CEP170B: variants seen among roughly 807,000 people sequenced by gnomAD.
The protein encoded by CEP170B is centrosomal protein 170B, also known as centrosomal protein of 170 kDa protein B.
In CEP170B, 55 loss-of-function variants were observed where a neutral mutation model predicts 120.6. The ratio of observed to expected loss-of-function variants is 0.46; its 90% CI spans 0.37 to 0.57. CEP170B has a LOEUF of 0.57. Ranked by LOEUF, CEP170B falls within the 20% of genes least tolerant of loss-of-function variation. CEP170B has a pLI of 0.00. For missense variants in CEP170B, 2,212 were observed against 2,253.3 expected (o/e 0.98, Z 0.37); for synonymous variants, 1,033 against 954.5 (o/e 1.08, Z -1.52).
Position 104,878,636 on chromosome 14 carries a change from A to G in CEP170B, c.333+135A>G. The G allele has an allele frequency of 5.6e-6, 5 of 897,464 alleles. No homozygotes were observed. The South Asian group carries it at 7.9e-5, about 14-fold the overall frequency. The allele number at this position is 897,464 out of a possible 1,614,324, so 55.6% of individuals were successfully genotyped here. On this transcript the variant is annotated intron_variant, in intron 5 of 18. Transcript: ENST00000414716. ...GCGCCCTGTTCAGGCTGCGGGTGCC[A>G]TGAGTCAGGCCAGCCTGTCCTGCCC... is the stretch of plus-strand genomic sequence containing the variant.
intron 2 of CEP170B, among the ~76,000 whole-genome samples, chr14:104,872,186 C>T (rs1246531513): frequency 9.4e-6 from 1 of 105,948 alleles, no homozygotes. Flanking sequence ...CGTGTGTGTG[C>T]TGTGTGTGTG....
Position 104,889,773 on chromosome 14 carries a change from C to T in CEP170B, c.3878+15C>T. The T allele has an allele frequency of 1.3e-6, 2 of 1,593,096 alleles. No individual in the cohort carries two copies. The highest frequency in any genetic ancestry group is 1.7e-6 in the Non-Finnish European group (2 of 1,165,450). On this transcript the variant is annotated intron_variant, in intron 13 of 18. Transcript: ENST00000414716. ...GAGATTGCCAGGTGAGTAGCCCATT[C>T]AGAGTAAATCCACTGGGTGCCAGTG...
chr14:104,884,164 A>G lies in CEP170B; in HGVS notation c.1385A>G (p.Gln462Arg), dbSNP rs1206549939. The part of the protein sequence containing the change: ...VQAGGRSSGP[Q>R]RAGSLKREKT... ...GCAGGGGGCCGCAGCTCGGGGCCAC[A>G]GAGGGCCGGCTCGCTCAAGCGGGAG... is the stretch of plus-strand genomic sequence containing the variant. The change falls in exon 9 of 19, where the codon CAG becomes CGG. Residue 462 changes from glutamine to arginine, a missense_variant. Coordinates refer to ENST00000414716, the MANE Select transcript of CEP170B (RefSeq NM_001112726.3). The G allele has an allele frequency of 6.4e-7, 1 of 1,551,124 alleles. No individual in the cohort carries two copies. The highest frequency in any genetic ancestry group is 1.9e-5 in the Admixed American group (1 of 51,660).
At chr14:104,878,979 G>A (rs1418148921) in intron 5 of CEP170B, among the ~76,000 whole-genome samples, 2 of 152,146 alleles carry the variant, frequency 1.3e-5, no homozygotes, top group African/African-American at 4.8e-5. Context: ...CTGAGGCGGG[G>A]GCCAGCAGCC....
At position 104,886,483 on chromosome 14, in the gene CEP170B, C is replaced by T. The variant is rs1177003076; in HGVS notation, c.2244C>T (p.Ser748=). The T allele has an allele frequency of 1.5e-5, 23 of 1,540,334 alleles. No individual in the cohort carries two copies. The highest frequency in any genetic ancestry group is 1.7e-4 in the Middle Eastern group (1 of 5,802). Residue 748 remains serine (S), a synonymous_variant, in exon 12 of 19, where the codon AGC becomes AGT. Coordinates refer to ENST00000414716, the MANE Select transcript of CEP170B (RefSeq NM_001112726.3). Reference sequence around the variant, plus strand: ...AGGAGTTGGATCCTGACAGCCTCAGCGATGCCAGTGGGTCGGACGGGGGCC... The same window carrying T: ...AGGAGTTGGATCCTGACAGCCTCAGTGATGCCAGTGGGTCGGACGGGGGCC... ...GQEELDPDSL[S]DASGSDGGRG... is the part of the protein sequence containing the mutation.
chr14:104,869,630 G>A (rs1370417633), intron 2 of CEP170B, among the ~76,000 whole-genome samples: 1 of 152,210 alleles, frequency 6.6e-6, no homozygotes, highest in Non-Finnish European at 1.5e-5. Flanking sequence ...AGCTTCAAGA[G>A]ATGGGGCCTT....
In CEP170B at chr14:104,887,104, C is replaced by T. The variant is rs375448270; in HGVS notation, c.2865C>T (p.Asp955=). ...PPEDALSGDS[D]VDTASTVSLR... is the part of the protein sequence containing the mutation. Reference sequence around the variant, plus strand: ...AGGACGCCCTGTCTGGGGACTCGGACGTGGACACAGCCAGCACCGTCAGCC... The same window carrying T: ...AGGACGCCCTGTCTGGGGACTCGGATGTGGACACAGCCAGCACCGTCAGCC... The change falls in exon 12 of 19, where the codon GAC becomes GAT. Residue 955 remains aspartate (D), a synonymous_variant. Coordinates refer to ENST00000414716, the MANE Select transcript of CEP170B (RefSeq NM_001112726.3). The T allele has an allele frequency of 1.7e-5, 27 of 1,611,120 alleles. No individual in the cohort carries two copies. The African/African-American group carries it at 2.4e-4, about 14-fold the overall frequency.
intron 12 of CEP170B, 23 bp from the exon 13 acceptor site, chr14:104,889,597 C>CA: frequency 6.2e-7 from 1 of 1,608,634 alleles, no homozygotes; most frequent in Non-Finnish European, 8.5e-7. Context: ...CCCCCAAACA[C>CA]ACACGCTCCC....
chr14:104,880,412 G>A lies in CEP170B; in HGVS notation c.459G>A (p.Arg153=), dbSNP rs758489866. ...ASNPRPEKGD[R]RPGTEAASYR... is the part of the protein sequence containing the mutation. ...ACCCCAGGCCGGAGAAGGGGGACCG[G>A]AGACCAGGAACAGGTAGGCCCAGGC... Residue 153 remains arginine, a synonymous_variant, in exon 6 of 19, where the codon CGG becomes CGA. Transcript: ENST00000414716. 3.1e-6 allele frequency: 5 copies of A among 1,612,366 alleles called. No homozygotes were observed. Among genetic ancestry groups the A allele is most frequent in the East Asian group, 2.2e-5 (1 of 44,864 alleles).
intron 7 of CEP170B, 97 bp downstream of exon 7, chr14:104,882,929 A>G: frequency 2.8e-6 from 4 of 1,453,694 alleles, no homozygotes; most frequent in East Asian, 2.5e-5. Flanking sequence ...TCCGGGGGAC[A>G]TGGGGCCTGT....
Position 104,884,336 on chromosome 14 carries a change from CG to C in CEP170B, c.1558del (p.Glu520ArgfsTer11), listed in dbSNP as rs1896332696. The C allele has an allele frequency of 6.5e-7, 1 of 1,544,168 alleles. No individual in the cohort carries two copies. On this transcript the variant is annotated frameshift_variant, in exon 9 of 19. Transcript: ENST00000414716. LOFTEE classifies it high-confidence loss of function. ...ESSPAARPSP[E>X]KVPPVLPAPL... Reference sequence around the variant, plus strand: ...GCTCCCCGGCCGCCCGGCCCAGCCCCGAGAAGGTTCCTCCGGTGCTGCCCGC... The same window carrying C: ...GCTCCCCGGCCGCCCGGCCCAGCCCCAGAAGGTTCCTCCGGTGCTGCCCGC...
rs1487655912 is a variant in CEP170B at position 104,870,688 on chromosome 14, C to T, written c.105+2133C>T. On this transcript the variant is annotated intron_variant, in intron 2 of 18. Coordinates refer to ENST00000414716, the MANE Select transcript of CEP170B (RefSeq NM_001112726.3). The surrounding 1 kb of genome is among the most constrained non-coding windows in gnomAD (Gnocchi z 4.1). ...TCAGGGTGAGTTTGGGGTCCGATTC[C>T]GAGTTTCTGCACCTGTCAGTGGAGC... Among the ~76,000 whole-genome samples the T allele has an allele frequency of 3.9e-5, 6 of 152,126 alleles. No homozygotes were observed. Among genetic ancestry groups the T allele is most frequent in the South Asian group, 2.1e-4 (1 of 4,830 alleles).
intron 2 of CEP170B, among the ~76,000 whole-genome samples, chr14:104,871,420 C>T (rs1397517800): frequency 6.6e-6 from 1 of 150,928 alleles, no homozygotes; most frequent in Non-Finnish European, 1.5e-5. Flanking sequence ...ATGCAGGCCT[C>T]CACTGGACCC....
chr14:104,886,408 TG>T lies in CEP170B; in HGVS notation c.2172del (p.Pro725HisfsTer98). 1 of 1,581,366 alleles carries T rather than the reference TG, an allele frequency of 6.3e-7. No homozygotes were observed. The highest frequency in any genetic ancestry group is 8.6e-7 in the Non-Finnish European group (1 of 1,165,278). ...GPESSRRSGPGPPELDSEQPS... is the reference protein window; with the variant it reads ...GPESSRRSGPXPPELDSEQPS... The stretch of plus-strand genomic sequence containing the variant: ...CAGAGAGCAGCAGGAGGAGTGGGCC[TG>T]GGCCACCGGAGCTGGACAGTGAGCA... On this transcript the variant is annotated frameshift_variant, in exon 12 of 19. Transcript: ENST00000414716. LOFTEE classifies it high-confidence loss of function.
rs765638731 is a variant in CEP170B, at chr14:104,893,081, C to T, written c.3984C>T (p.Ala1328=). 4 of 1,607,042 alleles carry T rather than the reference C, an allele frequency of 2.5e-6. No homozygotes were observed. In the South Asian group the frequency reaches 3.3e-5, roughly 13 times the overall value. The change falls in exon 14 of 19, where the codon GCC becomes GCT. Residue 1328 remains alanine (A), a synonymous_variant. Transcript: ENST00000414716. ...TLGSSEPAHS[A]SLSNMPSTPA... ...GCTCCTCGGAGCCTGCCCACAGCGC[C>T]TCCCTCAGCAACATGCCCAGCACCC...
chr14:104,872,263 CGT>C (rs1895549313), intron 2 of CEP170B, among the ~76,000 whole-genome samples: 1 of 104,812 alleles, frequency 9.5e-6, no homozygotes, highest in African/African-American at 3.9e-5. Context: ...CATGTGTGTG[CGT>C]GTGGGTGTGC....
chr14:104,879,463 G>C lies in CEP170B; in HGVS notation c.334-824G>C, dbSNP rs1295422907. 3.3e-5 allele frequency among the ~76,000 whole-genome samples: 5 copies of C among 152,152 alleles called. No homozygotes were observed. In the East Asian group the frequency reaches 9.6e-4, roughly 29 times the overall value. ...GGTGAGGGGATCTGAGGTCTCCTGG[G>C]CTGAAATCTGAAGGTCTTAGGCTGA... On this transcript the variant is annotated intron_variant, in intron 5 of 18. Coordinates refer to ENST00000414716, the MANE Select transcript of CEP170B (RefSeq NM_001112726.3).
At chr14:104,874,640 C>T (rs1895735909) in intron 2 of CEP170B, among the ~76,000 whole-genome samples, 1 of 152,054 alleles carries the variant, frequency 6.6e-6, no homozygotes, top group Non-Finnish European at 1.5e-5. Flanking sequence ...GTGGGCTCCT[C>T]GCCACCCTCC....
rs1896910471 is a variant in CEP170B, at chr14:104,892,851, C to T, written c.3879-125C>T. On this transcript the variant is annotated intron_variant, in intron 13 of 18. Transcript: ENST00000414716. ...GTGTTTGGGGCCAGGCTGGGGAGCACCTCCCCCAGGCCCCACCTCTGGCCA... is the reference window on the plus strand; with the variant it reads ...GTGTTTGGGGCCAGGCTGGGGAGCATCTCCCCCAGGCCCCACCTCTGGCCA... The T allele has an allele frequency of 2.8e-6, 3 of 1,074,896 alleles. No individual in the cohort carries two copies. The Admixed American group carries it at 7.2e-5, about 26-fold the overall frequency. The allele number at this position is 1,074,896 out of a possible 1,614,324, so 66.6% of individuals were successfully genotyped here.
Sources: allele counts gnomAD v4.1 joint callset (sites outside exome capture counted in the v4.1 genomes callset), GRCh38; gene constraint gnomAD v4.1.1; non-coding constraint Gnocchi (gnomAD v3.1); transcripts MANE v1.5; gene names NCBI Gene and HGNC (gene_info 2026-07-23, HGNC 2026-07-21).